Variants in NELL2 observed in about 807,000 individuals in gnomAD.
NELL2 encodes protein kinase C-binding protein NELL2.
NELL2 carries 41 observed loss-of-function variants against 109.6 expected under a neutral mutation model. That is an observed-to-expected ratio of 0.37 (90% CI 0.29 to 0.49). NELL2 has a LOEUF of 0.49. Among genes scored for constraint, NELL2 ranks in the 20% least tolerant of loss-of-function variants. The pLI, the probability that NELL2 is intolerant of heterozygous loss-of-function variation, is 0.98. For missense variants in NELL2, 900 were observed against 1,008.3 expected (o/e 0.89, Z 1.45); for synonymous variants, 355 against 344.7 (o/e 1.03, Z -0.33).
At chr12:44,876,424 C>T (rs981659544), upstream of NELL2, 1 of 1,275,478 alleles carries the variant, frequency 7.8e-7, no homozygotes, top group Non-Finnish European at 9.9e-7. Flanking sequence ...GCGAGGCCGG[C>T]GCTCAGCGTC....
intron 9 of NELL2, among the ~76,000 whole-genome samples, chr12:44,741,270 C>G (rs778467632): frequency 1.4e-4 from 21 of 152,214 alleles, no homozygotes; most frequent in Non-Finnish European, 2.8e-4. Flanking sequence ...AAACTTAAAA[C>G]TTTTCTTTAG....
intron 3 of NELL2, 63 bp from the exon 4 acceptor site, chr12:44,780,085 C>A: frequency 6.4e-7 from 1 of 1,555,320 alleles, no homozygotes; most frequent in Non-Finnish European, 8.7e-7. Context: ...TTGAAGTGAT[C>A]TCTGTCTACG....
chr12:44,515,226 A>G (rs528955967), intron 19 of NELL2, among the ~76,000 whole-genome samples: 1 of 151,952 alleles, frequency 6.6e-6, no homozygotes, highest in Admixed American at 6.5e-5. Flanking sequence ...AGAACAATAC[A>G]TTTTCTATTA....
In NELL2 at chr12:44,535,147, G is replaced by C. The variant is rs565241456; in HGVS notation, c.1664-2426C>G. ...ATACAAGCATGTGCCTGCCCATAAT[G>C]TATTTTCATATAAACTTTGGGCATT... On this transcript the variant is annotated intron_variant, in intron 15 of 19. Transcript: ENST00000429094. Among the ~76,000 whole-genome samples the C allele has an allele frequency of 3.3e-5, 5 of 152,046 alleles. No homozygotes were observed. In the South Asian group the frequency reaches 6.2e-4, roughly 19 times the overall value.
At chr12:44,722,178 A>C (rs1271074708) in intron 9 of NELL2, among the ~76,000 whole-genome samples, 1 of 151,186 alleles carries the variant, frequency 6.6e-6, no homozygotes, top group Non-Finnish European at 1.5e-5. Flanking sequence ...TGAAAATAAG[A>C]AACTTTTTTT....
chr12:44,598,854 T>TACACACACACACAC (rs754118280), intron 15 of NELL2, among the ~76,000 whole-genome samples: 5,083 of 117,812 alleles, frequency 0.043, 108 homozygotes, highest in Middle Eastern at 0.066. Context: ...AAGAAAGAAA[T>TACACACACACACAC]ACACACACAC....
At chr12:44,662,127 T>C (rs927761520) in intron 13 of NELL2, among the ~76,000 whole-genome samples, 4 of 152,258 alleles carry the variant, frequency 2.6e-5, no homozygotes, top group Admixed American at 1.3e-4. Flanking sequence ...TTTGTGCAAA[T>C]AGTGCAACTG....
At chr12:44,699,076 A>C (rs1222768251) in intron 12 of NELL2, among the ~76,000 whole-genome samples, 2 of 152,202 alleles carry the variant, frequency 1.3e-5, no homozygotes, top group African/African-American at 2.4e-5. Context: ...CATAATTTTC[A>C]GTGTCAAGTG....
intron 12 of NELL2, among the ~76,000 whole-genome samples, chr12:44,681,926 T>C (rs1176158886): frequency 6.6e-6 from 1 of 151,598 alleles, no homozygotes; most frequent in East Asian, 1.9e-4. Context: ...CCTTTGGGTA[T>C]ATACCCAGTA....
intron 15 of NELL2, among the ~76,000 whole-genome samples, chr12:44,585,150 G>A (rs1254901019): frequency 6.6e-6 from 1 of 152,130 alleles, no homozygotes; most frequent in Non-Finnish European, 1.5e-5. Context: ...GAAGGGCTTG[G>A]CAGTATCCAA....
intron 19 of NELL2, among the ~76,000 whole-genome samples, chr12:44,513,619 A>G (rs1941102527): frequency 6.6e-6 from 1 of 151,990 alleles, no homozygotes; most frequent in African/African-American, 2.4e-5. Context: ...GAAAAATGCA[A>G]TATCTGAAAT....
intron 1 of NELL2, among the ~76,000 whole-genome samples, chr12:44,904,143 T>C (rs1470909217): frequency 6.6e-6 from 1 of 152,090 alleles, no homozygotes; most frequent in Non-Finnish European, 1.5e-5. Context: ...TGTCTATGAC[T>C]CTTTTGGATC....
At chr12:44,892,997 T>C (rs925461089) in intron 1 of NELL2, among the ~76,000 whole-genome samples, 1 of 149,846 alleles carries the variant, frequency 6.7e-6, no homozygotes, top group African/African-American at 2.4e-5. Context: ...AAACTGTGAT[T>C]CACAATACTC....
At chr12:44,727,909 AG>A (rs1443176506) in intron 9 of NELL2, among the ~76,000 whole-genome samples, 1 of 152,090 alleles carries the variant, frequency 6.6e-6, no homozygotes, top group Non-Finnish European at 1.5e-5. Context: ...AAGAAGCAAA[AG>A]GGCTTCCCAT....
At chr12:44,608,321 G>A (rs11182556) in intron 14 of NELL2, among the ~76,000 whole-genome samples, 7,318 of 151,972 alleles carry the variant, frequency 0.048, 620 homozygotes, top group African/African-American at 0.17. Context: ...TTAAAGAAAT[G>A]GACTCAAAGA....
intron 13 of NELL2, among the ~76,000 whole-genome samples, chr12:44,640,820 T>G (rs1410486286): frequency 6.6e-6 from 1 of 152,206 alleles, no homozygotes; most frequent in Non-Finnish European, 1.5e-5. Context: ...TTCCACATAT[T>G]TCCTTCCGTC....
At chr12:44,844,369 A>T (rs1295695947) in intron 2 of NELL2, among the ~76,000 whole-genome samples, 1 of 152,264 alleles carries the variant, frequency 6.6e-6, no homozygotes, top group Non-Finnish European at 1.5e-5. Flanking sequence ...AAAAAGGGAC[A>T]AACTTCAGAT....
At chr12:44,582,178 T>G (rs1338034791) in intron 15 of NELL2, among the ~76,000 whole-genome samples, 2 of 152,130 alleles carry the variant, frequency 1.3e-5, no homozygotes, top group Non-Finnish European at 2.9e-5. Flanking sequence ...GAAATGGGCA[T>G]GAAGTAGTTA....
At chr12:44,539,333 C>CAACAAAACAGAACAA (rs1445721627) in intron 15 of NELL2, among the ~76,000 whole-genome samples, 1 of 152,034 alleles carries the variant, frequency 6.6e-6, no homozygotes, top group African/African-American at 2.4e-5. Context: ...CAACACAACA[C>CAACAAAACAGAACAA]AACAAAACAG....
Sources: gnomAD v4.1 joint callset for allele counts (sites outside exome capture counted in the v4.1 genomes callset) on GRCh38, gnomAD v4.1.1 for gene constraint, MANE v1.5 for transcripts, NCBI Gene and HGNC (gene_info 2026-07-23, HGNC 2026-07-21) for gene names.